Variants in COL26A1 observed in about 807,000 individuals in gnomAD.
COL26A1 encodes the protein collagen type XXVI alpha 1 chain.
Under a neutral mutation model 59.3 loss-of-function variants are expected in COL26A1, and 41 were observed. The observed-to-expected ratio is 0.69, with a 90% CI of 0.54 to 0.90. COL26A1 has a LOEUF of 0.90. Among genes scored for constraint, COL26A1 ranks in the 40% least tolerant of loss-of-function variants. The pLI is 0.00. For missense variants in COL26A1, 612 were observed against 602.3 expected (o/e 1.02, Z -0.17); for synonymous variants, 266 against 256.0 (o/e 1.04, Z -0.37).
At chr7:101,500,615 C>T (rs28465442) in intron 3 of COL26A1, among the ~76,000 whole-genome samples, 20,708 of 151,920 alleles carry the variant, frequency 0.14, 3,399 homozygotes, top group African/African-American at 0.39. Context: ...GTCAGGAGTT[C>T]GAGACCAGCC....
At chr7:101,482,722 C>T (rs948726478) in intron 3 of COL26A1, among the ~76,000 whole-genome samples, 3 of 152,076 alleles carry the variant, frequency 2.0e-5, no homozygotes, top group African/African-American at 4.8e-5. Flanking sequence ...TTTGGGAGGC[C>T]GAGGCGGGTG....
At chr7:101,531,218 G>A (rs1396455153) in intron 3 of COL26A1, among the ~76,000 whole-genome samples, 3 of 152,064 alleles carry the variant, frequency 2.0e-5, no homozygotes, top group African/African-American at 4.8e-5. Flanking sequence ...TGATCCTCCC[G>A]CCTTGGCCTC....
rs1309307618 is a variant in COL26A1, at chr7:101,553,327, G to A, written c.1031G>A (p.Gly344Asp). Residue 344 changes from glycine to aspartate, a missense_variant and splice_region_variant, in exon 11 of 13, where the codon GGT (glycine) becomes GAT (aspartate). By Grantham distance (94) the Gly-to-Asp change is moderately conservative. Coordinates refer to ENST00000313669, the MANE Select transcript of COL26A1 (RefSeq NM_001278563.3). ...TTGACTGTGTGACTTGCTTCTTAGG[G>A]TGAACCTGGCGTGAAGGGGGAAGAA... ...AGERGTVGPS[G>D]EPGVKGEEGE... 2 of 1,613,780 alleles carry A rather than the reference G, an allele frequency of 1.2e-6. No homozygotes were observed. The highest frequency in any genetic ancestry group is 1.7e-6 in the Non-Finnish European group (2 of 1,179,742).
chr7:101,423,482 C>T (rs923231940), intron 2 of COL26A1, among the ~76,000 whole-genome samples: 6 of 152,150 alleles, frequency 3.9e-5, no homozygotes, highest in African/African-American at 1.4e-4. Flanking sequence ...CGCCTATAAT[C>T]CCAGCATTTT....
In COL26A1 at chr7:101,489,830, CTT is replaced by C. The variant is rs1356746774; in HGVS notation, c.385+42045_385+42046del. On this transcript the variant is annotated intron_variant, in intron 3 of 12. Coordinates refer to ENST00000313669, the MANE Select transcript of COL26A1 (RefSeq NM_001278563.3). ...TCTTTCTTTCTTTCTTTCTTTCTTT[CTT>C]TCTTTCTTTCTTTCTTTCTTTCTTT... Among the ~76,000 whole-genome samples the C allele has an allele frequency of 5.2e-4, 6 of 11,568 alleles. 2 individuals carry two copies. The highest frequency in any genetic ancestry group is 3.1e-3 in the African/African-American group (4 of 1,272). 7.6% of individuals were successfully genotyped at this position (11,568 alleles called of 152,430 possible).
intron 1 of COL26A1, among the ~76,000 whole-genome samples, chr7:101,395,970 C>G (rs1791846339): frequency 6.6e-6 from 1 of 152,094 alleles, no homozygotes; most frequent in Non-Finnish European, 1.5e-5. Flanking sequence ...CTTGAAAACT[C>G]CTGGTGGCCC....
chr7:101,368,611 TA>T (rs1419164382), intron 1 of COL26A1, among the ~76,000 whole-genome samples: 1 of 152,122 alleles, frequency 6.6e-6, no homozygotes, highest in Non-Finnish European at 1.5e-5. Context: ...TGGTAACTTC[TA>T]GGTTGTTGGG....
intron 3 of COL26A1, among the ~76,000 whole-genome samples, chr7:101,508,009 T>G (rs1013381018): frequency 6.6e-6 from 1 of 152,138 alleles, no homozygotes; most frequent in African/African-American, 2.4e-5. Flanking sequence ...TGGCGCCCTC[T>G]AGGGTTGTGC....
intron 8 of COL26A1, among the ~76,000 whole-genome samples, chr7:101,547,573 C>T (rs770009236): frequency 5.0e-4 from 76 of 152,310 alleles, no homozygotes; most frequent in Non-Finnish European, 8.1e-4. Flanking sequence ...ACCTTTGAGG[C>T]AGAAACCAAG....
intron 3 of COL26A1, among the ~76,000 whole-genome samples, chr7:101,521,740 C>A (rs986973832): frequency 2.0e-5 from 3 of 152,150 alleles, no homozygotes; most frequent in Non-Finnish European, 4.4e-5. Context: ...TAACAAAGAA[C>A]GTTCTCATGA....
rs1296491505 is a variant in COL26A1, at chr7:101,438,137, G to A, written c.282-9547G>A. Among the ~76,000 whole-genome samples the A allele has an allele frequency of 2.6e-5, 4 of 151,406 alleles. 1 individual carries two copies. The highest frequency in any genetic ancestry group is 5.9e-5 in the Non-Finnish European group (4 of 67,650). ...AACAGTCTGGGAAGCCGAGGCGGGCGGATCACCTGAGGTCGGGAGTTGGAG... is the reference window on the plus strand; with the variant it reads ...AACAGTCTGGGAAGCCGAGGCGGGCAGATCACCTGAGGTCGGGAGTTGGAG... On this transcript the variant is annotated intron_variant, in intron 2 of 12. Transcript: ENST00000313669.
At chr7:101,377,181 C>CT (rs1791338641) in intron 1 of COL26A1, among the ~76,000 whole-genome samples, 1 of 147,070 alleles carries the variant, frequency 6.8e-6, no homozygotes, top group Admixed American at 6.7e-5. Flanking sequence ...TTCTTTTTTC[C>CT]TTTTAAATAG....
intron 1 of COL26A1, among the ~76,000 whole-genome samples, chr7:101,368,065 G>A (rs2116998815): frequency 1.3e-5 from 2 of 152,120 alleles, no homozygotes; most frequent in South Asian, 2.1e-4. Context: ...GATTTTGTTG[G>A]TTATATGCTC....
chr7:101,506,015 A>T (rs1346319108), intron 3 of COL26A1, among the ~76,000 whole-genome samples: 1 of 152,054 alleles, frequency 6.6e-6, no homozygotes, highest in Non-Finnish European at 1.5e-5. Context: ...AGGACAGGAG[A>T]AGCCACACTC....
At chr7:101,519,005 T>A (rs1201547756) in intron 3 of COL26A1, among the ~76,000 whole-genome samples, 2 of 152,214 alleles carry the variant, frequency 1.3e-5, no homozygotes, top group African/African-American at 4.8e-5. Flanking sequence ...CATCTCCCAT[T>A]CATGGCTGGT....
intron 1 of COL26A1, among the ~76,000 whole-genome samples, chr7:101,366,815 A>G (rs570491289): frequency 6.6e-6 from 1 of 152,166 alleles, no homozygotes; most frequent in African/African-American, 2.4e-5. Context: ...AGCAGTTTTT[A>G]ATTGTTAGTT....
chr7:101,524,046 G>T (rs146228072), intron 3 of COL26A1, among the ~76,000 whole-genome samples: 3,854 of 152,156 alleles, frequency 0.025, 69 homozygotes, highest in Middle Eastern at 0.034. Context: ...CAAGTGGGCG[G>T]ATCACTTTAG....
At chr7:101,410,686 G>GGTGTGT (rs3072481) in intron 1 of COL26A1, among the ~76,000 whole-genome samples, 373 of 149,690 alleles carry the variant, frequency 2.5e-3, no homozygotes, top group East Asian at 6.3e-3. Context: ...GGCTAATTTT[G>GGTGTGT]GTGTGTGTGT....
intron 1 of COL26A1, among the ~76,000 whole-genome samples, chr7:101,404,515 G>C (rs1178586259): frequency 6.6e-6 from 1 of 152,140 alleles, no homozygotes; most frequent in African/African-American, 2.4e-5. Flanking sequence ...ACCTTCCCAG[G>C]GGAGCCAGAA....
Sources: gnomAD v4.1 joint callset for allele counts (sites outside exome capture counted in the v4.1 genomes callset) on GRCh38, gnomAD v4.1.1 for gene constraint, MANE v1.5 for transcripts, NCBI Gene and HGNC (gene_info 2026-07-23, HGNC 2026-07-21) for gene names.